Variants in ARHGAP18 observed in about 807,000 individuals in gnomAD.
ARHGAP18 encodes the protein rho GTPase-activating protein 18.
ARHGAP18 carries 67 observed loss-of-function variants against 86.2 expected under a neutral mutation model. That is an observed-to-expected ratio of 0.78 (90% CI 0.64 to 0.95). The LOEUF is 0.95. Ranked by LOEUF, ARHGAP18 falls within the 40% of genes least tolerant of loss-of-function variation. The pLI, the probability that ARHGAP18 is intolerant of heterozygous loss-of-function variation, is 0.00. For missense variants in ARHGAP18, 691 were observed against 780.4 expected (o/e 0.89, Z 1.37); for synonymous variants, 283 against 280.4 (o/e 1.01, Z -0.09).
intron 1 of ARHGAP18, among the ~76,000 whole-genome samples, chr6:129,671,992 T>C (rs1774149184): frequency 6.6e-6 from 1 of 152,090 alleles, no homozygotes; most frequent in South Asian, 2.1e-4. Context: ...ACACAGAAGT[T>C]CGGAGAGGTT....
intron 1 of ARHGAP18, among the ~76,000 whole-genome samples, chr6:129,697,442 ATTT>A (rs5879962): frequency 1.3e-5 from 2 of 148,610 alleles, no homozygotes; most frequent in Non-Finnish European, 3.0e-5. Flanking sequence ...TGCAGATGGG[ATTT>A]TTTTTTTTTT....
chr6:129,625,514 A>ATATATAATATATATTTTATAT lies in ARHGAP18; in HGVS notation c.786+3838_786+3839insATATAAAATATATATTATATA, dbSNP rs1789390573. Among the ~76,000 whole-genome samples, 4 of 40,414 alleles carry ATATATAATATATATTTTATAT rather than the reference A, an allele frequency of 9.9e-5. 1 individual carries two copies. Among genetic ancestry groups the ATATATAATATATATTTTATAT allele is most frequent in the African/African-American group, 3.8e-4 (4 of 10,578 alleles). The allele number at this position is 40,414 out of a possible 152,430, so 26.5% of individuals were successfully genotyped here. On this transcript the variant is annotated intron_variant, in intron 5 of 14. Coordinates refer to ENST00000368149, the MANE Select transcript of ARHGAP18 (RefSeq NM_033515.3). ...ATATATAATATATATTTTATATATC[A>ATATATAATATATATTTTATAT]TATATATTATAACTATACATTATAT...
rs978714652 is a variant in ARHGAP18 at position 129,616,252 on chromosome 6, C to T, written c.1004G>A (p.Arg335Lys). ...GGGTATTCGCATTCCTGGTACTTTC[C>T]TCTGATCTTGTTCTAATAGCGCTGT... The part of the protein sequence containing the change: ...PLTALLEQDQ[R>K]KVPGMRIPLI... Residue 335 changes from arginine (R) to lysine (K), a missense_variant, in exon 7 of 15, where the codon AGG (arginine) becomes AAG (lysine). Arg to Lys is a conservative substitution (Grantham distance 26). Transcript: ENST00000368149. 6.2e-7 allele frequency: 1 copy of T among 1,611,646 alleles called. No homozygotes were observed. The highest frequency in any genetic ancestry group is 1.3e-5 in the African/African-American group (1 of 74,974).
chr6:129,693,645 A>C (rs1401764228), intron 1 of ARHGAP18, among the ~76,000 whole-genome samples: 2 of 152,180 alleles, frequency 1.3e-5, no homozygotes, highest in African/African-American at 4.8e-5. Context: ...ACACAGGCAC[A>C]CTGAAGAGAG....
chr6:129,613,928 A>G (rs1246915002), intron 7 of ARHGAP18, among the ~76,000 whole-genome samples: 1 of 151,986 alleles, frequency 6.6e-6, no homozygotes, highest in Non-Finnish European at 1.5e-5. Flanking sequence ...ATGTGAATTG[A>G]AAAATGAAAT....
chr6:129,698,905 C>A (rs192572190), intron 1 of ARHGAP18, among the ~76,000 whole-genome samples: 1 of 152,122 alleles, frequency 6.6e-6, no homozygotes, highest in Non-Finnish European at 1.5e-5. Context: ...GTTGGCCAGG[C>A]TGGTCTTGAA....
At chr6:129,663,944 T>G (rs2114521396) in intron 1 of ARHGAP18, among the ~76,000 whole-genome samples, 1 of 152,378 alleles carries the variant, frequency 6.6e-6, no homozygotes, top group South Asian at 2.1e-4. Context: ...CAAACATTTT[T>G]AAATTGGTTT....
Position 129,629,427 on chromosome 6 carries a change from C to T in ARHGAP18, c.712G>A (p.Glu238Lys), listed in dbSNP as rs767731622. Residue 238 changes from glutamate to lysine, a missense_variant, in exon 5 of 15, where the codon GAG (glutamate) becomes AAG (lysine). By Grantham distance (56) the Glu-to-Lys change is moderately conservative (BLOSUM62 1). Transcript: ENST00000368149. ...CTCTCTTTCTGATTGAGTGCTTGCT[C>T]GGCAAATGATACCTCCAGGTTGATG... The part of the protein sequence containing the change: ...TDINLEVSFA[E>K]QALNQKESSK... 1.1e-5 allele frequency: 18 copies of T among 1,613,852 alleles called. No homozygotes were observed. The highest frequency in any genetic ancestry group is 3.3e-5 in the Admixed American group (2 of 59,972).
At chr6:129,633,974 A>T (rs1773272683) in intron 4 of ARHGAP18, 68 bp downstream of exon 4, 2 of 1,349,024 alleles carry the variant, frequency 1.5e-6, no homozygotes, top group Non-Finnish European at 1.0e-6. Flanking sequence ...AATGTTTTAT[A>T]AGACTGTAAC....
chr6:129,641,488 T>C (rs10499163), intron 2 of ARHGAP18, among the ~76,000 whole-genome samples: 43,303 of 152,034 alleles, frequency 0.28, 6,341 homozygotes, highest in Non-Finnish European at 0.3. Context: ...AGAGACCAAA[T>C]GACAATGTGG....
chr6:129,644,617 C>T (rs535153526), intron 1 of ARHGAP18, among the ~76,000 whole-genome samples: 1 of 152,258 alleles, frequency 6.6e-6, no homozygotes, highest in African/African-American at 2.4e-5. Flanking sequence ...TGTGAGACCA[C>T]AATAAGTACT....
chr6:129,641,222 T>G (rs1773457786), intron 2 of ARHGAP18, among the ~76,000 whole-genome samples: 1 of 152,058 alleles, frequency 6.6e-6, no homozygotes, highest in Non-Finnish European at 1.5e-5. Flanking sequence ...CAAAAATTGG[T>G]TTATGTGAAT....
At chr6:129,609,308 T>C (rs945911634) in intron 8 of ARHGAP18, among the ~76,000 whole-genome samples, 1 of 152,196 alleles carries the variant, frequency 6.6e-6, no homozygotes, top group Non-Finnish European at 1.5e-5. Context: ...TAATTTGGCA[T>C]ATGACAACAG....
At chr6:129,604,208 C>A (rs1352950755) in intron 10 of ARHGAP18, among the ~76,000 whole-genome samples, 1 of 149,816 alleles carries the variant, frequency 6.7e-6, no homozygotes, top group East Asian at 2.1e-4. Context: ...GTACTCCCCC[C>A]CCCCTTAATT....
At chr6:129,701,993 G>A (rs559911033) in intron 1 of ARHGAP18, among the ~76,000 whole-genome samples, 1 of 152,306 alleles carries the variant, frequency 6.6e-6, no homozygotes, top group Non-Finnish European at 1.5e-5. Flanking sequence ...ACCAGCTGCT[G>A]AGGGAAGAAG....
intron 1 of ARHGAP18, among the ~76,000 whole-genome samples, chr6:129,671,930 G>C (rs1163677165): frequency 6.6e-6 from 1 of 152,092 alleles, no homozygotes; most frequent in Non-Finnish European, 1.5e-5. Context: ...ATACCCTTTA[G>C]AGGGCACTAC....
At chr6:129,701,438 T>C (rs374107499) in intron 1 of ARHGAP18, among the ~76,000 whole-genome samples, 1 of 152,158 alleles carries the variant, frequency 6.6e-6, no homozygotes, top group Non-Finnish European at 1.5e-5. Flanking sequence ...TATGGCCTGT[T>C]CAAAAAGATT....
chr6:129,687,414 G>T (rs1774449029), intron 1 of ARHGAP18, among the ~76,000 whole-genome samples: 1 of 152,008 alleles, frequency 6.6e-6, no homozygotes, highest in South Asian at 2.1e-4. Flanking sequence ...TGCCTGTCTG[G>T]GGCTGACAAA....
chr6:129,632,793 A>G (rs1333620731), intron 4 of ARHGAP18, among the ~76,000 whole-genome samples: 1 of 152,198 alleles, frequency 6.6e-6, no homozygotes, highest in African/African-American at 2.4e-5. Flanking sequence ...GCCAGAGAGA[A>G]GTTCTGAGGA....
Sources: allele counts gnomAD v4.1 joint callset (sites outside exome capture counted in the v4.1 genomes callset), GRCh38; gene constraint gnomAD v4.1.1; transcripts MANE v1.5; gene names NCBI Gene and HGNC (gene_info 2026-07-23, HGNC 2026-07-21).